The following IK variants were observed in gnomAD, a reference collection of about 807,000 sequenced individuals.
The protein encoded by IK is IK cytokine.
A neutral mutation model predicts 90.9 loss-of-function variants in IK; 47 were observed. That is an observed-to-expected ratio of 0.52 (90% CI 0.41 to 0.66). The LOEUF (loss-of-function observed/expected upper bound fraction) is 0.66, where lower values mean the gene tolerates loss of function less well. IK is among the 30% of genes least tolerant of loss of function. IK has a pLI of 0.00. For missense variants in IK, 385 were observed against 709.3 expected, an observed-to-expected ratio of 0.54 and a Z score of 5.19; for synonymous variants, 201 against 227.5, an observed-to-expected ratio of 0.88 and a Z score of 1.05.
chr5:140,659,460 G>A (rs992217147), intron 13 of IK, 127 bp downstream of exon 13: 3 of 1,015,128 alleles, frequency 3.0e-6, no homozygotes, highest in Non-Finnish European at 4.6e-6. Context: ...ACTGTGTCTT[G>A]CTTTATTGAA....
At chr5:140,654,446 C>G (rs992619115) in intron 6 of IK, 70 bp from the exon 7 acceptor site, 3 of 1,136,744 alleles carry the variant, frequency 2.6e-6, no homozygotes, top group Non-Finnish European at 2.6e-6. Flanking sequence ...GTTCCTGGTA[C>G]AGTGTGGTGT....
chr5:140,651,597 T>G, intron 2 of IK, 117 bp from the exon 3 acceptor site: 1 of 609,436 alleles, frequency 1.6e-6, no homozygotes, highest in Admixed American at 3.1e-5. Flanking sequence ...AACAGTGTCA[T>G]ATCTTTGTTT....
chr5:140,658,819 C>G (rs1235378703), intron 11 of IK, 43 bp downstream of exon 11: 4 of 1,596,194 alleles, frequency 2.5e-6, no homozygotes, highest in Middle Eastern at 1.7e-4. Flanking sequence ...GGGAGGGGGT[C>G]TGTACATTTC....
chr5:140,652,043 G>C (rs747409617), intron 3 of IK, 45 bp from the exon 4 acceptor site: 1 of 1,475,006 alleles, frequency 6.8e-7, no homozygotes, highest in African/African-American at 1.4e-5. Context: ...GGTTTCTGGG[G>C]CTGTGGCAAT....
chr5:140,653,820 G>A, intron 5 of IK, 118 bp from the exon 6 acceptor site: 1 of 612,874 alleles, frequency 1.6e-6, no homozygotes, highest in Middle Eastern at 4.5e-4. Context: ...CACCAGGCTG[G>A]TCTCAAACTC....
At chr5:140,649,887 A>G (rs985792642) in intron 2 of IK, among the ~76,000 whole-genome samples, 1 of 152,226 alleles carries the variant, frequency 6.6e-6, no homozygotes, top group African/African-American at 2.4e-5. Flanking sequence ...TGAGGAAAAC[A>G]CAACATTGCT....
intron 2 of IK, among the ~76,000 whole-genome samples, chr5:140,649,921 A>G (rs936422172): frequency 6.6e-6 from 1 of 152,250 alleles, no homozygotes; most frequent in Non-Finnish European, 1.5e-5. Flanking sequence ...TATTTGAGTT[A>G]AATGATATTA....
rs1299472023 is a variant in IK, at chr5:140,659,616, T to G, written c.1196-140T>G. 8 of 671,628 alleles carry G rather than the reference T, an allele frequency of 1.2e-5. No individual in the cohort carries two copies. In the East Asian group the frequency reaches 2.2e-4, roughly 18 times the overall value. The allele number at this position is 671,628 out of a possible 1,614,324, so 41.6% of individuals were successfully genotyped here. Reference sequence around the variant, plus strand: ...TACCCTACCCTCATCTCAACCAGAGTGACTCATTAATTGGAGTTTGTTTAA... The same window carrying G: ...TACCCTACCCTCATCTCAACCAGAGGGACTCATTAATTGGAGTTTGTTTAA... On this transcript the variant is annotated intron_variant, in intron 13 of 19. Coordinates refer to ENST00000417647, the MANE Select transcript of IK (RefSeq NM_006083.4).
At chr5:140,649,748 G>C (rs1561971532) in intron 2 of IK, among the ~76,000 whole-genome samples, 2 of 151,834 alleles carry the variant, frequency 1.3e-5, no homozygotes, top group Admixed American at 1.3e-4. Flanking sequence ...GGCCAGGCTG[G>C]TCTTGAACTC....
At chr5:140,658,797 C>T in intron 11 of IK, 21 bp downstream of exon 11, 1 of 1,607,854 alleles carries the variant, frequency 6.2e-7, no homozygotes, top group African/African-American at 1.3e-5. Context: ...TAGCCCCTGG[C>T]ATCTGATCAG....
Position 140,656,004 on chromosome 5 carries a change from G to C in IK, c.801+12G>C. On this transcript the variant is annotated intron_variant, in intron 9 of 19. Transcript: ENST00000417647. The stretch of plus-strand genomic sequence containing the variant: ...GCCCCACCATGGAGGTGAGTGAATG[G>C]AATCCTGAGAGCCTATCATGTGAGC... The C allele has an allele frequency of 3.2e-6, 5 of 1,551,440 alleles. No homozygotes were observed. Among genetic ancestry groups the C allele is most frequent in the Non-Finnish European group, 4.4e-6 (5 of 1,146,898 alleles).
chr5:140,660,938 AG>A, intron 16 of IK, 123 bp downstream of exon 16: 1 of 695,964 alleles, frequency 1.4e-6, no homozygotes, highest in South Asian at 1.8e-5. Flanking sequence ...TAGCTGCAGC[AG>A]TAGAAACAGC....
In IK at chr5:140,652,997, A is replaced by G; in HGVS notation, c.257A>G (p.Gln86Arg). The change falls in exon 5 of 20, where the codon CAA (glutamine) becomes CGA (arginine). Residue 86 changes from glutamine to arginine, a missense_variant. Physicochemically the swap from Gln to Arg is conservative, Grantham distance 43. This residue lies in a region of IK where 64 missense variants were observed against 144.6 expected (regional missense o/e 0.44). Transcript: ENST00000417647. The stretch of plus-strand genomic sequence containing the variant: ...CACAGTTATTATGCCAAGCTACGCC[A>G]ACAAGAAATTGAGAGAGAGAGAGAG... ...KKKSYYAKLR[Q>R]QEIERERELA... 6.2e-7 allele frequency: 1 copy of G among 1,613,830 alleles called. No homozygotes were observed. The highest frequency in any genetic ancestry group is 8.5e-7 in the Non-Finnish European group (1 of 1,179,868).
intron 9 of IK, among the ~76,000 whole-genome samples, chr5:140,656,908 C>T (rs551734986): frequency 1.3e-5 from 2 of 152,230 alleles, no homozygotes; most frequent in Non-Finnish European, 2.9e-5. Flanking sequence ...ACCTCCCCTA[C>T]CCTTCTAAAA....
In IK at chr5:140,658,768, T is replaced by C. The variant is rs752746502; in HGVS notation, c.942T>C (p.Ala314=). Residue 314 remains alanine, a synonymous_variant, in exon 11 of 20, where the codon GCT becomes GCC. Transcript: ENST00000417647. ...TGGAAGAGAAGAAACCTCCTGAGGC[T>C]GACATGAAGTATGTATCCTAGCCCC... ...GKLEEKKPPE[A]DMNIFEDIGD... 1.9e-6 allele frequency: 3 copies of C among 1,611,674 alleles called. No individual in the cohort carries two copies. Among genetic ancestry groups the C allele is most frequent in the Middle Eastern group, 1.7e-4 (1 of 6,056 alleles).
chr5:140,648,007 G>GGTGTGTGTGTGTGTGTGT (rs762057029), intron 1 of IK, 83 bp downstream of exon 1: 528 of 931,128 alleles, frequency 5.7e-4, no homozygotes, highest in East Asian at 2.1e-3. Context: ...GCTTAAGCCG[G>GGTGTGTGTGTGTGTGTGT]GTGTGTGTGT....
intron 4 of IK, among the ~76,000 whole-genome samples, chr5:140,652,532 A>G (rs2149805922): frequency 6.6e-6 from 1 of 152,268 alleles, no homozygotes; most frequent in African/African-American, 2.4e-5. Flanking sequence ...CATCATTATT[A>G]TATCATCATC....
At position 140,649,312 on chromosome 5, in the gene IK, G is replaced by A. The variant is rs190488211; in HGVS notation, c.83+775G>A. 1.5e-3 allele frequency among the ~76,000 whole-genome samples: 224 copies of A among 148,306 alleles called. 1 individual carries two copies. Among genetic ancestry groups the A allele is most frequent in the African/African-American group, 5.2e-3 (208 of 40,192 alleles). ...CAACCTCTGCCTCCTGAGTTCAAGC[G>A]GTTCTCCTGCCTCAGCCTCCCAAGT... On this transcript the variant is annotated intron_variant, in intron 2 of 19. Coordinates refer to ENST00000417647, the MANE Select transcript of IK (RefSeq NM_006083.4).
At chr5:140,659,400 G>T in intron 13 of IK, 67 bp downstream of exon 13, 1 of 1,570,182 alleles carries the variant, frequency 6.4e-7, no homozygotes. Context: ...AGGGCTCAGA[G>T]CTGGCAACGG....
Sources: gnomAD v4.1 joint callset for allele counts (sites outside exome capture counted in the v4.1 genomes callset) on GRCh38, gnomAD v4.1.1 for gene constraint, gnomAD v4.1.1 regional missense constraint, MANE v1.5 for transcripts, NCBI Gene and HGNC (gene_info 2026-07-23, HGNC 2026-07-21) for gene names.